ACTR3C: variants seen among roughly 807,000 people sequenced by gnomAD.
The protein encoded by ACTR3C is actin related protein 3C.
In ACTR3C, 18 loss-of-function variants were observed where a neutral mutation model predicts 26.3. The ratio of observed to expected loss-of-function variants is 0.68; its 90% CI spans 0.47 to 1.01. The LOEUF is 1.01. Among genes scored for constraint, ACTR3C ranks in the 50% least tolerant of loss-of-function variants. The pLI is 0.00. For missense variants in ACTR3C, 184 were observed against 250.7 expected (o/e 0.73, Z 1.80); for synonymous variants, 55 against 94.5 (o/e 0.58, Z 2.42).
the ACTR3C span, among the ~76,000 whole-genome samples, chr7:150,054,121 T>C: frequency 6.6e-6 from 1 of 152,226 alleles, no homozygotes; most frequent in Non-Finnish European, 1.5e-5. Flanking sequence ...ACAGTCTGAG[T>C]AGCAGCGTCT....
At chr7:149,897,184 CCAGA>C in the ACTR3C span, among the ~76,000 whole-genome samples, 9 of 151,898 alleles carry the variant, frequency 5.9e-5, 1 homozygote, top group South Asian at 4.1e-4. Context: ...AATAAGATGG[CCAGA>C]CAAAGGATTA....
At chr7:149,901,348 G>A in the ACTR3C span, among the ~76,000 whole-genome samples, 9 of 149,896 alleles carry the variant, frequency 6.0e-5, no homozygotes, top group Admixed American at 2.7e-4. Flanking sequence ...ACCAACATCC[G>A]TTTCCTGGGG....
chr7:150,241,374 A>G (rs1584804520), downstream of ACTR3C, among the ~76,000 whole-genome samples: 1 of 152,328 alleles, frequency 6.6e-6, no homozygotes, highest in East Asian at 1.9e-4. Flanking sequence ...GTCGTCATCA[A>G]TTGATTTTCA....
intron 1 of ACTR3C, 110 bp downstream of exon 1, chr7:150,323,359 T>C (rs1413698773): frequency 2.1e-5 from 6 of 283,540 alleles, no homozygotes; most frequent in Non-Finnish European, 4.1e-5. Flanking sequence ...TTCCGGGAGC[T>C]CAGGCCTGCG....
At chr7:149,976,322 C>A in the ACTR3C span, among the ~76,000 whole-genome samples, 1 of 152,094 alleles carries the variant, frequency 6.6e-6, no homozygotes, top group Non-Finnish European at 1.5e-5. Flanking sequence ...AGCCTGTAAT[C>A]CCAGCACTTT....
the ACTR3C span, among the ~76,000 whole-genome samples, chr7:150,225,046 T>TGTGTGTGTGTGTG: frequency 6.7e-6 from 1 of 149,572 alleles, no homozygotes; most frequent in South Asian, 2.1e-4. Flanking sequence ...TGTGTGTGTG[T>TGTGTGTGTGTGTG]TTGCCTGCAC....
At chr7:150,082,494 G>C in the ACTR3C span, among the ~76,000 whole-genome samples, 1 of 152,148 alleles carries the variant, frequency 6.6e-6, no homozygotes, top group South Asian at 2.1e-4. Flanking sequence ...GCGTATTTCA[G>C]GTCATCTACA....
At chr7:149,949,624 C>G in the ACTR3C span, among the ~76,000 whole-genome samples, 2 of 147,134 alleles carry the variant, frequency 1.4e-5, no homozygotes, top group Admixed American at 1.3e-4. Flanking sequence ...GTGAAGGTCA[C>G]AGAGAGAGGA....
At position 150,314,787 on chromosome 7, in the gene ACTR3C, AC is replaced by A. The variant is rs1305479695; in HGVS notation, c.-52+8681del. Among the ~76,000 whole-genome samples, 1,157 of 147,832 alleles carry A rather than the reference AC, an allele frequency of 7.8e-3. 38 individuals carry two copies. The East Asian group carries it at 0.11, about 14-fold the overall frequency. On this transcript the variant is annotated intron_variant, in intron 1 of 7. Coordinates refer to ENST00000683684, the MANE Select transcript of ACTR3C (RefSeq NM_001164458.2). ...CCATCTCTCCAAAAAAAAAAAAAAA[AC>A]AACAACAACAAAAATTAGTCAGGCA...
chr7:149,983,449 G>GTGTGTGTGTGTGTGTATATATATA, the ACTR3C span, among the ~76,000 whole-genome samples: 2 of 23,322 alleles, frequency 8.6e-5, no homozygotes, highest in Admixed American at 6.7e-4. Context: ...GTGTGTGTGT[G>GTGTGTGTGTGTGTGTATATATATA]TATATATATA....
chr7:149,918,847 G>A, the ACTR3C span, among the ~76,000 whole-genome samples: 4 of 152,178 alleles, frequency 2.6e-5, no homozygotes, highest in Non-Finnish European at 5.9e-5. Flanking sequence ...CAAGAGCTGA[G>A]AACGAGCCCA....
chr7:149,904,745 C>T, the ACTR3C span, among the ~76,000 whole-genome samples: 2 of 151,064 alleles, frequency 1.3e-5, no homozygotes, highest in Non-Finnish European at 3.0e-5. Flanking sequence ...CCTGTAATTC[C>T]AGCACTTTGG....
the ACTR3C span, among the ~76,000 whole-genome samples, chr7:149,996,276 G>A: frequency 2.0e-5 from 3 of 151,326 alleles, no homozygotes; most frequent in Admixed American, 2.0e-4. Context: ...GAGGGTCCAG[G>A]CAACAATAGG....
the ACTR3C span, among the ~76,000 whole-genome samples, chr7:150,092,500 C>T: frequency 1.3e-5 from 2 of 149,556 alleles, no homozygotes; most frequent in African/African-American, 2.5e-5. Context: ...TTTTATCATC[C>T]TTAAACAATA....
At chr7:149,897,991 C>T in the ACTR3C span, among the ~76,000 whole-genome samples, 1 of 152,214 alleles carries the variant, frequency 6.6e-6, no homozygotes, top group African/African-American at 2.4e-5. Context: ...ACTTTCCCCA[C>T]CTCCTTTTCT....
chr7:150,086,848 C>A, the ACTR3C span, among the ~76,000 whole-genome samples: 2 of 152,130 alleles, frequency 1.3e-5, no homozygotes, highest in Non-Finnish European at 2.9e-5. Context: ...GACAATCTGT[C>A]CCTTGTACAC....
the ACTR3C span, among the ~76,000 whole-genome samples, chr7:150,093,002 G>A: frequency 6.6e-6 from 1 of 151,656 alleles, no homozygotes; most frequent in East Asian, 1.9e-4. Context: ...GATGTAGGGA[G>A]CGTTGGCTAA....
At chr7:150,280,732 G>A (rs1370718597) in intron 6 of ACTR3C, among the ~76,000 whole-genome samples, 2 of 151,824 alleles carry the variant, frequency 1.3e-5, no homozygotes, top group Admixed American at 6.6e-5. Flanking sequence ...AGCATTCCAC[G>A]ATGTACATAC....
the ACTR3C span, among the ~76,000 whole-genome samples, chr7:150,042,512 C>G: frequency 6.7e-6 from 1 of 149,414 alleles, no homozygotes; most frequent in East Asian, 2.0e-4. Context: ...ATTGCCTCGC[C>G]CCCTGCGATA....
Sources: gnomAD v4.1 joint callset for allele counts (sites outside exome capture counted in the v4.1 genomes callset) on GRCh38, gnomAD v4.1.1 for gene constraint, MANE v1.5 for transcripts, NCBI Gene and HGNC (gene_info 2026-07-23, HGNC 2026-07-21) for gene names.